FKTN: variants seen among roughly 807,000 people sequenced by gnomAD.
FKTN encodes ribitol-5-phosphate transferase FKTN.
A neutral mutation model predicts 58.6 loss-of-function variants in FKTN; 47 were observed. That is an observed-to-expected ratio of 0.80 (90% CI 0.63 to 1.02). FKTN has a LOEUF of 1.02. FKTN is among the 50% of genes least tolerant of loss of function. The pLI, the probability that FKTN is intolerant of heterozygous loss-of-function variation, is 0.00. For synonymous variants in FKTN, 178 were observed against 191.9 expected, an observed-to-expected ratio of 0.93 and a Z score of 0.60; for missense variants, 516 against 537.3, an observed-to-expected ratio of 0.96 and a Z score of 0.39.
intron 1 of FKTN, among the ~76,000 whole-genome samples, chr9:105,566,380 C>G (rs925962948): frequency 1.3e-5 from 2 of 151,768 alleles, no homozygotes; most frequent in African/African-American, 4.9e-5. Flanking sequence ...TTGAAAAGGT[C>G]AACAAAATTG....
chr9:105,608,363 A>AT (rs563348243), intron 7 of FKTN, among the ~76,000 whole-genome samples: 40 of 152,054 alleles, frequency 2.6e-4, no homozygotes, highest in East Asian at 1.2e-3. Flanking sequence ...ATTGAATATA[A>AT]TTTTTTTTGC....
intron 3 of FKTN, among the ~76,000 whole-genome samples, chr9:105,587,753 T>C (rs1269501928): frequency 2.0e-5 from 3 of 152,202 alleles, no homozygotes; most frequent in African/African-American, 7.2e-5. Context: ...AACATTAGGC[T>C]GTGTAGGTTT....
At chr9:105,572,575 G>T (rs1386765476) in intron 1 of FKTN, among the ~76,000 whole-genome samples, 1 of 152,168 alleles carries the variant, frequency 6.6e-6, no homozygotes, top group Non-Finnish European at 1.5e-5. Context: ...GTGGGATCAG[G>T]ATGCATAGAA....
intron 1 of FKTN, among the ~76,000 whole-genome samples, chr9:105,562,154 C>CA (rs1299287611): frequency 6.6e-6 from 1 of 152,232 alleles, no homozygotes; most frequent in Non-Finnish European, 1.5e-5. Context: ...ACAAACGAAA[C>CA]CAGTTCACTG....
chr9:105,574,227 A>T (rs1210308139), intron 2 of FKTN: 1 of 152,086 alleles, frequency 6.6e-6, no homozygotes, highest in Non-Finnish European at 1.5e-5. Context: ...TAAACCTTAG[A>T]TATCAAGCAT....
chr9:105,619,137 A>G (rs902091051), intron 9 of FKTN, among the ~76,000 whole-genome samples: 1 of 152,144 alleles, frequency 6.6e-6, no homozygotes, highest in Non-Finnish European at 1.5e-5. Flanking sequence ...ACTAAAAAAT[A>G]TAAATAAAAT....
chr9:105,601,741 G>A (rs745675475), intron 5 of FKTN, among the ~76,000 whole-genome samples: 1 of 151,970 alleles, frequency 6.6e-6, no homozygotes, highest in African/African-American at 2.4e-5. Context: ...TCTCAATATC[G>A]GTATTTTTAG....
At position 105,638,265 on chromosome 9, in the gene FKTN, C is replaced by A. The variant is rs1564362450; in HGVS notation, c.*3001C>A. On this transcript the variant is annotated 3_prime_UTR_variant, in exon 11 of 11. Transcript: ENST00000357998. ...GAAGGCATCCAGTGCTTCATTGAGG[C>A]TAAGTCTCAGGGTGTTTCTGCCGCT... 1.0e-6 allele frequency: 1 copy of A among 985,352 alleles called. No homozygotes were observed. 61.0% of individuals were successfully genotyped at this position (985,352 alleles called of 1,614,324 possible).
At chr9:105,588,537 A>T (rs1228543811) in intron 3 of FKTN, among the ~76,000 whole-genome samples, 1 of 152,230 alleles carries the variant, frequency 6.6e-6, no homozygotes, top group East Asian at 1.9e-4. Context: ...AATTTGGGGG[A>T]TGAAGGGGAG....
chr9:105,599,362 C>G (rs1218641265), intron 4 of FKTN, among the ~76,000 whole-genome samples: 1 of 146,730 alleles, frequency 6.8e-6, no homozygotes, highest in Non-Finnish European at 1.5e-5. Context: ...CCTTTTTTAT[C>G]TTTTTTTAGT....
In FKTN at chr9:105,639,953, C is replaced by T. The variant is rs1038842491; in HGVS notation, c.*4689C>T. On this transcript the variant is annotated 3_prime_UTR_variant, in exon 11 of 11. Coordinates refer to ENST00000357998, the MANE Select transcript of FKTN (RefSeq NM_001079802.2). ...CCTTGTTAGTGAAATTAGATATAAG[C>T]CATGATTTGGAGAGGGAAGAAATCT... 16 of 1,482,366 alleles carry T rather than the reference C, an allele frequency of 1.1e-5. No homozygotes were observed. In the African/African-American group the frequency reaches 2.2e-4, roughly 21 times the overall value. 91.8% of individuals were successfully genotyped at this position (1,482,366 alleles called of 1,614,324 possible).
chr9:105,588,360 A>AT (rs150925542), intron 3 of FKTN, among the ~76,000 whole-genome samples: 8 of 151,648 alleles, frequency 5.3e-5, no homozygotes, highest in South Asian at 2.1e-4. Flanking sequence ...GTGTCAGAAT[A>AT]TTTTTTTTTA....
Position 105,601,567 on chromosome 9 carries a change from T to C in FKTN, c.369+219T>C, listed in dbSNP as rs558048745. Among the ~76,000 whole-genome samples, 6 of 152,222 alleles carry C rather than the reference T, an allele frequency of 3.9e-5. No homozygotes were observed. In the East Asian group the frequency reaches 1.2e-3, roughly 29 times the overall value. ...TGAGAGGTTAAAAGGTTAGTGGCTATTGATATTAGTTTAGCTAGCCACTGA... is the reference window on the plus strand; with the variant it reads ...TGAGAGGTTAAAAGGTTAGTGGCTACTGATATTAGTTTAGCTAGCCACTGA... On this transcript the variant is annotated intron_variant, in intron 5 of 10. Coordinates refer to ENST00000357998, the MANE Select transcript of FKTN (RefSeq NM_001079802.2).
At chr9:105,624,623 C>CA (rs779770311) in intron 10 of FKTN, among the ~76,000 whole-genome samples, 1,239 of 68,992 alleles carry the variant, frequency 0.018, 14 homozygotes, top group African/African-American at 0.043. Context: ...AGAGCAAAAC[C>CA]AAAAAAAAAA....
chr9:105,560,154 A>G (rs919498302), intron 1 of FKTN, among the ~76,000 whole-genome samples: 1 of 152,354 alleles, frequency 6.6e-6, no homozygotes, highest in Non-Finnish European at 1.5e-5. Flanking sequence ...TTCAACAAAT[A>G]TTTATATGTT....
chr9:105,629,726 C>T (rs1833164636), intron 10 of FKTN, among the ~76,000 whole-genome samples: 1 of 152,036 alleles, frequency 6.6e-6, no homozygotes, highest in Admixed American at 6.6e-5. Flanking sequence ...ACATGCTGCT[C>T]TAAAGACACA....
At chr9:105,602,159 A>C (rs1278598598) in intron 5 of FKTN, among the ~76,000 whole-genome samples, 1 of 152,222 alleles carries the variant, frequency 6.6e-6, no homozygotes, top group Non-Finnish European at 1.5e-5. Flanking sequence ...CATTGACATG[A>C]CTATTGTATT....
intron 1 of FKTN, among the ~76,000 whole-genome samples, chr9:105,569,394 C>T (rs1406164750): frequency 2.0e-5 from 3 of 152,164 alleles, no homozygotes; most frequent in African/African-American, 7.2e-5. Flanking sequence ...TTTTTCATCA[C>T]AGTTGTGTAT....
chr9:105,572,064 A>C (rs571677256), intron 1 of FKTN, among the ~76,000 whole-genome samples: 34 of 152,320 alleles, frequency 2.2e-4, no homozygotes, highest in African/African-American at 8.2e-4. Flanking sequence ...AACTGAATAC[A>C]AAAACTAATA....
Sources: gnomAD v4.1 joint callset for allele counts (sites outside exome capture counted in the v4.1 genomes callset) on GRCh38, gnomAD v4.1.1 for gene constraint, MANE v1.5 for transcripts, NCBI Gene and HGNC (gene_info 2026-07-23, HGNC 2026-07-21) for gene names.